MGMT: variants seen among roughly 807,000 people sequenced by gnomAD.
MGMT encodes the protein methylated-DNA--protein-cysteine methyltransferase.
In MGMT, 14 loss-of-function variants were observed where a neutral mutation model predicts 15.9. That is an observed-to-expected ratio of 0.88 (90% CI 0.58 to 1.37). MGMT has a LOEUF of 1.37. Among genes scored for constraint, MGMT ranks in the 40% most tolerant of loss-of-function variants. MGMT has a pLI of 0.00. For missense variants in MGMT, 282 were observed against 268.1 expected, an observed-to-expected ratio of 1.05 and a Z score of -0.36; for synonymous variants, 130 against 118.2, an observed-to-expected ratio of 1.10 and a Z score of -0.65.
Position 129,708,012 on chromosome 10 carries a change from G to GCCGGCTCTTCACCATC in MGMT, c.247_262dup (p.Val88GlyfsTer90). 6.2e-7 allele frequency: 1 copy of GCCGGCTCTTCACCATC among 1,613,690 alleles called. No homozygotes were observed. The highest frequency in any genetic ancestry group is 2.2e-5 in the East Asian group (1 of 44,876). On this transcript the variant is annotated frameshift_variant, in exon 3 of 5. Coordinates refer to ENST00000651593, the MANE Select transcript of MGMT (RefSeq NM_002412.5). LOFTEE classifies it high-confidence loss of function. ...CCGAGGCTATCGAAGAGTTCCCCGT[G>GCCGGCTCTTCACCATC]CCGGCTCTTCACCATCCCGTTTTCC... is the stretch of plus-strand genomic sequence containing the variant.
At chr10:129,732,637 A>G (rs199805715) in intron 3 of MGMT, among the ~76,000 whole-genome samples, 2 of 150,368 alleles carry the variant, frequency 1.3e-5, no homozygotes, top group African/African-American at 4.9e-5. Flanking sequence ...TACATGTGCC[A>G]TGCTTGTGCA....
chr10:129,531,980 A>G (rs942898642), intron 1 of MGMT, among the ~76,000 whole-genome samples: 2 of 152,246 alleles, frequency 1.3e-5, no homozygotes, highest in African/African-American at 4.8e-5. Context: ...TTTGTAAGCC[A>G]GATTCTGAAC....
chr10:129,759,139 A>G (rs1231017520), intron 3 of MGMT, 63 bp from the exon 4 acceptor site: 8 of 1,599,616 alleles, frequency 5.0e-6, no homozygotes, highest in South Asian at 2.2e-5. Flanking sequence ...ACTAGTGGCT[A>G]TTTATATCAG....
At chr10:129,509,518 G>T (rs1845659896) in intron 1 of MGMT, among the ~76,000 whole-genome samples, 1 of 152,188 alleles carries the variant, frequency 6.6e-6, no homozygotes, top group Non-Finnish European at 1.5e-5. Context: ...TACAGTAATG[G>T]TAGTTAATTA....
chr10:129,553,952 G>A (rs1375619862), intron 2 of MGMT, among the ~76,000 whole-genome samples: 1 of 152,264 alleles, frequency 6.6e-6, no homozygotes, highest in African/African-American at 2.4e-5. Flanking sequence ...GATACAAAGA[G>A]CAGCATGAGG....
chr10:129,679,296 T>G (rs75930458), intron 2 of MGMT, among the ~76,000 whole-genome samples: 13,926 of 152,164 alleles, frequency 0.092, 914 homozygotes, highest in Admixed American at 0.18. Context: ...GAAACACCGG[T>G]CCCCTCTGCT....
chr10:129,594,104 G>A, intron 2 of MGMT, among the ~76,000 whole-genome samples: 1 of 152,170 alleles, frequency 6.6e-6, no homozygotes, highest in East Asian at 1.9e-4. Flanking sequence ...TGATCTGTGG[G>A]GGCAGCCCTG....
intron 2 of MGMT, among the ~76,000 whole-genome samples, chr10:129,562,880 C>T (rs568755615): frequency 2.6e-5 from 4 of 152,324 alleles, no homozygotes; most frequent in Admixed American, 1.3e-4. Context: ...GACAGATGAT[C>T]CCCGACTTAC....
intron 1 of MGMT, among the ~76,000 whole-genome samples, chr10:129,474,906 C>G (rs1195546189): frequency 6.6e-6 from 1 of 152,070 alleles, no homozygotes; most frequent in East Asian, 1.9e-4. Context: ...AAGGGGCTCC[C>G]CGTGTGGTAG....
At chr10:129,746,217 G>A (rs1848693418) in intron 3 of MGMT, among the ~76,000 whole-genome samples, 1 of 147,704 alleles carries the variant, frequency 6.8e-6, no homozygotes, top group South Asian at 2.2e-4. Flanking sequence ...CCAGCCTAGG[G>A]GACAGAGCGA....
At chr10:129,756,876 A>G (rs1284385918) in intron 3 of MGMT, among the ~76,000 whole-genome samples, 1 of 152,194 alleles carries the variant, frequency 6.6e-6, no homozygotes, top group Non-Finnish European at 1.5e-5. Context: ...TATTTTCCAC[A>G]TGAGTTAATG....
chr10:129,546,240 CAG>C lies in MGMT; in HGVS notation c.125+9864_125+9865del, dbSNP rs371406629. On this transcript the variant is annotated intron_variant, in intron 2 of 4. Transcript: ENST00000651593. ...AGCCCAAGCCCAGCTCAGGGGCAGACAGGGGCAGACGGGGAAGTGGGCTGTTC... is the reference window on the plus strand; with the variant it reads ...AGCCCAAGCCCAGCTCAGGGGCAGACGGGCAGACGGGGAAGTGGGCTGTTC... Among the ~76,000 whole-genome samples, 970 of 152,320 alleles carry C rather than the reference CAG, an allele frequency of 6.4e-3. 12 individuals are homozygous for C. Among genetic ancestry groups the C allele is most frequent in the African/African-American group, 0.023 (936 of 41,572 alleles).
intron 2 of MGMT, among the ~76,000 whole-genome samples, chr10:129,609,214 C>A (rs1212933600): frequency 6.6e-6 from 1 of 152,214 alleles, no homozygotes; most frequent in African/African-American, 2.4e-5. Flanking sequence ...CTCACCACAC[C>A]TTTCCCTCCT....
intron 1 of MGMT, among the ~76,000 whole-genome samples, chr10:129,521,485 C>T (rs1845809912): frequency 1.3e-5 from 2 of 152,122 alleles, no homozygotes; most frequent in African/African-American, 4.8e-5. Flanking sequence ...AGGAAGTCAC[C>T]CACTGGTAGC....
intron 3 of MGMT, among the ~76,000 whole-genome samples, chr10:129,750,212 T>C (rs1436912964): frequency 6.6e-6 from 1 of 152,136 alleles, no homozygotes; most frequent in South Asian, 2.1e-4. Flanking sequence ...TTTTCTCCTG[T>C]GTTATATTCT....
intron 3 of MGMT, among the ~76,000 whole-genome samples, chr10:129,732,507 G>A (rs578064654): frequency 1.4e-4 from 21 of 151,292 alleles, no homozygotes; most frequent in Non-Finnish European, 2.9e-4. Context: ...TGGCTGCATG[G>A]TATTCCATAG....
chr10:129,555,696 C>T (rs1846205525), intron 2 of MGMT, among the ~76,000 whole-genome samples: 2 of 151,404 alleles, frequency 1.3e-5, no homozygotes, highest in Admixed American at 1.3e-4. Flanking sequence ...GCCTGGGCAA[C>T]AGAGTGAGAC....
intron 2 of MGMT, among the ~76,000 whole-genome samples, chr10:129,673,380 A>G (rs544088440): frequency 3.5e-4 from 53 of 152,324 alleles, no homozygotes; most frequent in African/African-American, 1.3e-3. Flanking sequence ...TTTCTGAGAC[A>G]TGCAGCATTT....
intron 2 of MGMT, among the ~76,000 whole-genome samples, chr10:129,549,809 C>T (rs980434997): frequency 6.6e-5 from 10 of 152,058 alleles, no homozygotes; most frequent in Non-Finnish European, 1.0e-4. Flanking sequence ...GCACTCAGCC[C>T]AAAGCGTTAC....
Sources: allele counts gnomAD v4.1 joint callset (sites outside exome capture counted in the v4.1 genomes callset), GRCh38; gene constraint gnomAD v4.1.1; transcripts MANE v1.5; gene names NCBI Gene and HGNC (gene_info 2026-07-23, HGNC 2026-07-21).